SEPTIN2: variants seen among roughly 807,000 people sequenced by gnomAD.
The protein encoded by SEPTIN2 is septin-2.
Under a neutral mutation model 46.5 loss-of-function variants are expected in SEPTIN2, and 34 were observed. The observed-to-expected ratio is 0.73, with a 90% CI of 0.56 to 0.97. The LOEUF is 0.97. Ranked by LOEUF, SEPTIN2 falls within the 50% of genes least tolerant of loss-of-function variation. The pLI is 0.00. For missense variants in SEPTIN2, 347 were observed against 448.4 expected (o/e 0.77, Z 2.04); for synonymous variants, 175 against 153.4 (o/e 1.14, Z -1.04).
intron 9 of SEPTIN2, among the ~76,000 whole-genome samples, chr2:241,344,512 CATG>C (rs1244277215): frequency 3.9e-5 from 6 of 152,072 alleles, no homozygotes; most frequent in Non-Finnish European, 8.8e-5. Context: ...GCCTGACCAA[CATG>C]GTGAAACCCC....
At chr2:241,329,875 T>G (rs2078696790) in intron 3 of SEPTIN2, among the ~76,000 whole-genome samples, 1 of 152,260 alleles carries the variant, frequency 6.6e-6, no homozygotes, top group South Asian at 2.1e-4. Context: ...AGCAACAGGC[T>G]ATGACCTAAT....
At chr2:241,350,273 G>C in intron 12 of SEPTIN2, 70 bp downstream of exon 12, 1 of 873,508 alleles carries the variant, frequency 1.1e-6, no homozygotes, top group South Asian at 1.9e-5. Flanking sequence ...AATATGACAG[G>C]TTCCTCCTTA....
Position 241,343,061 on chromosome 2 carries a change from G to T in SEPTIN2, c.664G>T (p.Glu222Ter). The T allele has an allele frequency of 4.4e-6, 7 of 1,609,148 alleles. No individual in the cohort carries two copies. Among genetic ancestry groups the T allele is most frequent in the South Asian group, 1.1e-5 (1 of 90,768 alleles). Residue 222 changes from glutamate (E) to a stop codon, truncating the protein, a stop_gained, in exon 8 of 13, where the codon GAA becomes TAA. Coordinates refer to ENST00000391971, the MANE Select transcript of SEPTIN2 (RefSeq NM_004404.5). LOFTEE classifies it high-confidence loss of function. ...ACCTGATGCAGAATCAGATGAAGAT[G>T]AAGATTTTAAAGAGCAGACTAGACT... ...HLPDAESDED[E>*]DFKEQTRLLK...
At chr2:241,333,287 G>A (rs1307448455) in intron 3 of SEPTIN2, among the ~76,000 whole-genome samples, 1 of 152,118 alleles carries the variant, frequency 6.6e-6, no homozygotes. Flanking sequence ...TATTGAAGAG[G>A]AAAGGCAGTT....
chr2:241,323,619 T>C (rs1184734454), intron 1 of SEPTIN2, among the ~76,000 whole-genome samples: 1 of 152,188 alleles, frequency 6.6e-6, no homozygotes, highest in Non-Finnish European at 1.5e-5. Context: ...TAGGGAAATA[T>C]TTGAAGTAAT....
chr2:241,332,825 A>G (rs2079220199), intron 3 of SEPTIN2, among the ~76,000 whole-genome samples: 1 of 152,264 alleles, frequency 6.6e-6, no homozygotes, highest in Non-Finnish European at 1.5e-5. Context: ...AACAACATGC[A>G]TCAGTCTCAG....
At chr2:241,324,341 A>G in intron 2 of SEPTIN2, 100 bp downstream of exon 2, 2 of 941,742 alleles carry the variant, frequency 2.1e-6, no homozygotes, top group Non-Finnish European at 3.3e-6. Flanking sequence ...TTTTTAATAC[A>G]ACTGATACAT....
rs138190555 is a variant in SEPTIN2, at chr2:241,320,522, G to A, written c.-17-3694G>A. The stretch of plus-strand genomic sequence containing the variant: ...AAAACCAGCTTTTGCGGCCAAGCAC[G>A]GTGGCTCAGGCCGGTAATCCCAGCA... On this transcript the variant is annotated intron_variant, in intron 1 of 12. Coordinates refer to ENST00000391971, the MANE Select transcript of SEPTIN2 (RefSeq NM_004404.5). Among the ~76,000 whole-genome samples the A allele has an allele frequency of 4.9e-4, 75 of 152,228 alleles. 1 individual carries two copies. In the East Asian group the frequency reaches 0.012, roughly 24 times the overall value.
At chr2:241,325,663 C>T (rs566796465) in intron 2 of SEPTIN2, among the ~76,000 whole-genome samples, 1 of 152,266 alleles carries the variant, frequency 6.6e-6, no homozygotes, top group South Asian at 2.1e-4. Flanking sequence ...TCCATAGTCT[C>T]TCAAGTCGAA....
At position 241,347,288 on chromosome 2, in the gene SEPTIN2, C is replaced by A. The variant is rs557360837; in HGVS notation, c.927-846C>A. 7.9e-4 allele frequency among the ~76,000 whole-genome samples: 120 copies of A among 152,280 alleles called. 1 individual carries two copies. The highest frequency in any genetic ancestry group is 2.5e-3 in the African/African-American group (105 of 41,562). On this transcript the variant is annotated intron_variant, in intron 10 of 12. Transcript: ENST00000391971. ...GTGTTGTAATTCATTAAAATTCTCACATTCTAATAATTTGATGGATTTCTA... is the reference window on the plus strand; with the variant it reads ...GTGTTGTAATTCATTAAAATTCTCAAATTCTAATAATTTGATGGATTTCTA...
At chr2:241,344,478 C>T (rs1029041933) in intron 9 of SEPTIN2, among the ~76,000 whole-genome samples, 1 of 152,198 alleles carries the variant, frequency 6.6e-6, no homozygotes, top group Non-Finnish European at 1.5e-5. Context: ...GCAGGCAGAT[C>T]ACGAGGTCAG....
Position 241,346,157 on chromosome 2 carries a change from C to T in SEPTIN2, c.843-9C>T. On this transcript the variant is annotated splice_polypyrimidine_tract_variant and intron_variant, in intron 9 of 12. Coordinates refer to ENST00000391971, the MANE Select transcript of SEPTIN2 (RefSeq NM_004404.5). ...GATGCCACCTTGGTGCATTCCTCTT[C>T]TCTTTCAGCACCCACATGCAGGATC... The T allele has an allele frequency of 6.2e-7, 1 of 1,611,640 alleles. No homozygotes were observed. The highest frequency in any genetic ancestry group is 8.5e-7 in the Non-Finnish European group (1 of 1,178,014).
At chr2:241,319,029 C>G (rs1365108028) in intron 1 of SEPTIN2, among the ~76,000 whole-genome samples, 2 of 151,926 alleles carry the variant, frequency 1.3e-5, no homozygotes, top group Non-Finnish European at 1.5e-5. Context: ...TCAGTCCAAT[C>G]AGCAAAAAAG....
At chr2:241,317,374 T>C (rs908757221) in intron 1 of SEPTIN2, 17 of 196,612 alleles carry the variant, frequency 8.6e-5, no homozygotes, top group Non-Finnish European at 1.5e-4. Context: ...AAGAGCGTTT[T>C]AATTAGATCA....
Position 241,326,017 on chromosome 2 carries a change from C to T in SEPTIN2, c.34C>T (p.Pro12Ser), listed in dbSNP as rs765264652. The T allele has an allele frequency of 2.5e-6, 4 of 1,612,598 alleles. No individual in the cohort carries two copies. In the African/African-American group the frequency reaches 5.3e-5, roughly 22 times the overall value. The change falls in exon 3 of 13, where the codon CCA becomes TCA. Residue 12 changes from proline (P) to serine (S), a missense_variant. Physicochemically the swap from Pro to Ser is moderately conservative, Grantham distance 74. Coordinates refer to ENST00000391971, the MANE Select transcript of SEPTIN2 (RefSeq NM_004404.5). Reference sequence around the variant, plus strand: ...GCAACAGCCAACTCAGTTTATAAATCCAGAAACACCTGGCTATGTTGGATT... The same window carrying T: ...GCAACAGCCAACTCAGTTTATAAATTCAGAAACACCTGGCTATGTTGGATT... ...SKQQPTQFIN[P>S]ETPGYVGFAN...
At chr2:241,320,157 A>T in intron 1 of SEPTIN2, 1 of 463,244 alleles carries the variant, frequency 2.2e-6, no homozygotes, top group Non-Finnish European at 4.5e-6. Flanking sequence ...TGTTATTAAA[A>T]CTGTGCTGTC....
At chr2:241,339,629 T>G (rs2080980905) in intron 7 of SEPTIN2, among the ~76,000 whole-genome samples, 1 of 152,218 alleles carries the variant, frequency 6.6e-6, no homozygotes, top group South Asian at 2.1e-4. Context: ...CTGATGAATA[T>G]TTGGCTTACT....
chr2:241,325,245 T>C (rs1412928357), intron 2 of SEPTIN2: 1 of 152,216 alleles, frequency 6.6e-6, no homozygotes, highest in Non-Finnish European at 1.5e-5. Context: ...TTTTAAAATT[T>C]CTTCTCATTT....
chr2:241,342,583 C>G (rs2081407053), intron 7 of SEPTIN2, among the ~76,000 whole-genome samples: 1 of 144,246 alleles, frequency 6.9e-6, no homozygotes, highest in Non-Finnish European at 1.5e-5. Context: ...CTCCGTCACC[C>G]AGGCTGAAGT....
Sources: allele counts gnomAD v4.1 joint callset (sites outside exome capture counted in the v4.1 genomes callset), GRCh38; gene constraint gnomAD v4.1.1; transcripts MANE v1.5; gene names NCBI Gene and HGNC (gene_info 2026-07-23, HGNC 2026-07-21).